The following GATD1 variants were observed in gnomAD, a reference collection of about 807,000 sequenced individuals.
GATD1 encodes the protein glutamine amidotransferase class 1 domain containing 1.
Under a neutral mutation model 25.9 loss-of-function variants are expected in GATD1, and 23 were observed. The ratio of observed to expected loss-of-function variants is 0.89; its 90% CI spans 0.64 to 1.26. The LOEUF (loss-of-function observed/expected upper bound fraction) is 1.26, where lower values mean the gene tolerates loss of function less well. GATD1 is among the 50% of genes most tolerant of loss of function. The pLI is 0.00. For missense variants in GATD1, 347 were observed against 312.5 expected (o/e 1.11, Z -0.83); for synonymous variants, 177 against 134.6 (o/e 1.31, Z -2.18).
chr11:767,488 G>A lies in GATD1; in HGVS notation c.*3409C>T, dbSNP rs1366983792. ...AGCTCACGCGGAGACAGGTCTGTGG[G>A]GCCCCGCGTCAGAACCCACTTCACA... On this transcript the variant is annotated 3_prime_UTR_variant, in exon 8 of 8. Transcript: ENST00000319863. 2 of 1,434,192 alleles carry A rather than the reference G, an allele frequency of 1.4e-6. No individual in the cohort carries two copies. Among genetic ancestry groups the A allele is most frequent in the Non-Finnish European group, 1.8e-6 (2 of 1,100,094 alleles). The allele number at this position is 1,434,192 out of a possible 1,614,324, so 88.8% of individuals were successfully genotyped here.
intron 1 of GATD1, 135 bp from the exon 2 acceptor site, chr11:775,277 C>T (rs868788602): frequency 1.1e-5 from 7 of 638,424 alleles, no homozygotes; most frequent in South Asian, 4.4e-5. Flanking sequence ...CACCCAAGAA[C>T]GACTACTTGA....
At position 770,049 on chromosome 11, in the gene GATD1, G is replaced by T; in HGVS notation, c.*848C>A. ...AGAAGGCCTTCGATGGCTCAAACTGGGGAACTGTGAGGAAGTAGAGGGCCT... is the reference window on the plus strand; with the variant it reads ...AGAAGGCCTTCGATGGCTCAAACTGTGGAACTGTGAGGAAGTAGAGGGCCT... On this transcript the variant is annotated 3_prime_UTR_variant, in exon 8 of 8. Transcript: ENST00000319863. 8.7e-7 allele frequency: 1 copy of T among 1,151,736 alleles called. No homozygotes were observed. Among genetic ancestry groups the T allele is most frequent in the Admixed American group, 4.8e-5 (1 of 21,032 alleles). 71.3% of individuals were successfully genotyped at this position (1,151,736 alleles called of 1,614,324 possible). A position where few individuals can be genotyped will look rare whatever the true frequency, so the allele number is the denominator to read the frequency against.
chr11:767,494 G>C lies in GATD1; in HGVS notation c.*3403C>G, dbSNP rs998168239. ...CGCGGAGACAGGTCTGTGGGGCCCCGCGTCAGAACCCACTTCACATCCCAA... is the reference window on the plus strand; with the variant it reads ...CGCGGAGACAGGTCTGTGGGGCCCCCCGTCAGAACCCACTTCACATCCCAA... On this transcript the variant is annotated 3_prime_UTR_variant, in exon 8 of 8. Coordinates refer to ENST00000319863, the MANE Select transcript of GATD1 (RefSeq NM_182612.4). 7.0e-7 allele frequency: 1 copy of C among 1,431,486 alleles called. No individual in the cohort carries two copies. Among genetic ancestry groups the C allele is most frequent in the Non-Finnish European group, 9.1e-7 (1 of 1,098,628 alleles). The allele number at this position is 1,431,486 out of a possible 1,614,324, so 88.7% of individuals were successfully genotyped here. A position where few individuals can be genotyped will look rare whatever the true frequency, so the allele number is the denominator to read the frequency against.
intron 5 of GATD1, 163 bp from the exon 6 acceptor site, chr11:771,589 A>G (rs1171012206): frequency 7.2e-7 from 1 of 1,396,024 alleles, no homozygotes; most frequent in Non-Finnish European, 9.3e-7. Flanking sequence ...GGGCGGAGAG[A>G]TGACAAAGTC....
intron 2 of GATD1, among the ~76,000 whole-genome samples, 178 bp downstream of exon 2, chr11:774,888 G>C (rs569322857): frequency 2.0e-5 from 3 of 151,778 alleles, no homozygotes; most frequent in African/African-American, 7.2e-5. Context: ...CAGAGCCCAG[G>C]AAATGGGGAC....
chr11:767,495 C>A lies in GATD1; in HGVS notation c.*3402G>T. 7.0e-7 allele frequency: 1 copy of A among 1,430,612 alleles called. No individual in the cohort carries two copies. Among genetic ancestry groups the A allele is most frequent in the Non-Finnish European group, 9.1e-7 (1 of 1,098,150 alleles). The allele number at this position is 1,430,612 out of a possible 1,614,324, so 88.6% of individuals were successfully genotyped here. A position where few individuals can be genotyped will look rare whatever the true frequency, so the allele number is the denominator to read the frequency against. On this transcript the variant is annotated 3_prime_UTR_variant, in exon 8 of 8. Transcript: ENST00000319863. ...GCGGAGACAGGTCTGTGGGGCCCCG[C>A]GTCAGAACCCACTTCACATCCCAAA... is the stretch of plus-strand genomic sequence containing the variant.
At position 769,433 on chromosome 11, in the gene GATD1, G is replaced by A. The variant is rs530496731; in HGVS notation, c.*1464C>T. 6.1e-4 allele frequency: 189 copies of A among 310,708 alleles called. No individual in the cohort carries two copies. The highest frequency in any genetic ancestry group is 7.9e-4 in the Non-Finnish European group (168 of 213,450). 19.2% of individuals were successfully genotyped at this position (310,708 alleles called of 1,614,324 possible). A position where few individuals can be genotyped will look rare whatever the true frequency, so the allele number is the denominator to read the frequency against. On this transcript the variant is annotated 3_prime_UTR_variant, in exon 8 of 8. Coordinates refer to ENST00000319863, the MANE Select transcript of GATD1 (RefSeq NM_182612.4). The stretch of plus-strand genomic sequence containing the variant: ...CCTCCCAGGTTCAAGCAATTCTCAC[G>A]TCTCAGCCTCCCAAGTAGCTGGGAA...
Position 767,443 on chromosome 11 carries a change from TGAC to T in GATD1, c.*3451_*3453del. On this transcript the variant is annotated 3_prime_UTR_variant, in exon 8 of 8. Coordinates refer to ENST00000319863, the MANE Select transcript of GATD1 (RefSeq NM_182612.4). ...AGAGGCCTCGCACGCAGCTGAGGAA[TGAC>T]GCAGGGGCCTGCAGGCAGCTCACGC... 1 of 1,494,690 alleles carries T rather than the reference TGAC, an allele frequency of 6.7e-7. No individual in the cohort carries two copies. Among genetic ancestry groups the T allele is most frequent in the Non-Finnish European group, 8.9e-7 (1 of 1,127,496 alleles). The allele number at this position is 1,494,690 out of a possible 1,614,324, so 92.6% of individuals were successfully genotyped here. A position where few individuals can be genotyped will look rare whatever the true frequency, so the allele number is the denominator to read the frequency against.
chr11:774,226 AG>A (rs1863740230), intron 2 of GATD1, 113 bp from the exon 3 acceptor site: 2 of 842,538 alleles, frequency 2.4e-6, no homozygotes, highest in South Asian at 3.2e-5. Flanking sequence ...TGAGGCACAA[AG>A]GCCCCCGACC....
At chr11:773,101 C>G (rs1238753938) in intron 4 of GATD1, among the ~76,000 whole-genome samples, 1 of 151,982 alleles carries the variant, frequency 6.6e-6, no homozygotes, top group Non-Finnish European at 1.5e-5. Context: ...CTGGCTTGTC[C>G]ACCCCGGCCA....
rs1313988231 is a variant in GATD1 at position 767,734 on chromosome 11, A to G, written c.*3163T>C. On this transcript the variant is annotated 3_prime_UTR_variant, in exon 8 of 8. Coordinates refer to ENST00000319863, the MANE Select transcript of GATD1 (RefSeq NM_182612.4). ...CACAGGGCAGGGGCACAGCCTCATC[A>G]TGGGACCATCACCCTCACAAAAGAG... is the stretch of plus-strand genomic sequence containing the variant. The G allele has an allele frequency of 6.6e-6, 4 of 605,684 alleles. 1 individual carries two copies. Among genetic ancestry groups the G allele is most frequent in the Non-Finnish European group, 8.7e-6 (4 of 457,788 alleles). 37.5% of individuals were successfully genotyped at this position (605,684 alleles called of 1,614,324 possible).
Position 775,103 on chromosome 11 carries a change from G to T in GATD1, c.104C>A (p.Ala35Asp). 6.2e-7 allele frequency: 1 copy of T among 1,605,992 alleles called. No homozygotes were observed. The highest frequency in any genetic ancestry group is 8.5e-7 in the Non-Finnish European group (1 of 1,177,336). Residue 35 changes from alanine to aspartate, a missense_variant, in exon 2 of 8, where the codon GCC becomes GAC. Transcript: ENST00000319863. ...CACCTGCAGGTTGAAGGCGGTGCTG[G>T]CCATCGTGAAACAGTGGAGGAAGGA... ...AQSFLHCFTMASTAFNLQVAT... is the reference protein window; with the variant it reads ...AQSFLHCFTMDSTAFNLQVAT...
At chr11:772,348 A>G (rs1276639208) in intron 5 of GATD1, 79 bp downstream of exon 5, 2 of 817,022 alleles carry the variant, frequency 2.4e-6, no homozygotes, top group Non-Finnish European at 4.2e-6. Context: ...CTCACCCTGG[A>G]GCCTCCGACC....
intron 2 of GATD1, 49 bp downstream of exon 2, chr11:775,017 G>T (rs755045245): frequency 1.3e-6 from 2 of 1,531,238 alleles, no homozygotes; most frequent in Non-Finnish European, 1.8e-6. Flanking sequence ...CCCCGGAGAG[G>T]TGGAGACAGA....
chr11:777,352 C>A (rs1006642311), intron 1 of GATD1, 47 bp downstream of exon 1: 9 of 1,256,548 alleles, frequency 7.2e-6, no homozygotes, highest in Non-Finnish European at 9.0e-6. Context: ...CCGGGCAGCC[C>A]CCTCGCGGAC....
At position 770,539 on chromosome 11, in the gene GATD1, C is replaced by A; in HGVS notation, c.*358G>T. 1 of 1,413,472 alleles carries A rather than the reference C, an allele frequency of 7.1e-7. No homozygotes were observed. Among genetic ancestry groups the A allele is most frequent in the Non-Finnish European group, 9.2e-7 (1 of 1,085,922 alleles). The allele number at this position is 1,413,472 out of a possible 1,614,324, so 87.6% of individuals were successfully genotyped here. A position where few individuals can be genotyped will look rare whatever the true frequency, so the allele number is the denominator to read the frequency against. ...GCAGGGCAAACCCACACAGAGGACCCCCGAGCCGACTCTGTCTAGTCAACA... is the reference window on the plus strand; with the variant it reads ...GCAGGGCAAACCCACACAGAGGACCACCGAGCCGACTCTGTCTAGTCAACA... On this transcript the variant is annotated 3_prime_UTR_variant, in exon 8 of 8. Coordinates refer to ENST00000319863, the MANE Select transcript of GATD1 (RefSeq NM_182612.4).
Position 773,551 on chromosome 11 carries a change from C to T in GATD1, c.326G>A (p.Arg109His), listed in dbSNP as rs368068797. 43 of 1,609,904 alleles carry T rather than the reference C, an allele frequency of 2.7e-5. No individual in the cohort carries two copies. The highest frequency in any genetic ancestry group is 8.0e-5 in the African/African-American group (6 of 74,704). The change falls in exon 4 of 8, where the codon CGT becomes CAT. Residue 109 changes from arginine (R) to histidine (H), a missense_variant. Coordinates refer to ENST00000319863, the MANE Select transcript of GATD1 (RefSeq NM_182612.4). ...CTCAGAGTGGAAGTGCTGCAGGATA[C>T]GGGCCAGGGAGCCACTGCTGGCCAG... Reference protein sequence around the residue: ...TDLASSGSLARILQHFHSESK... With the variant: ...TDLASSGSLAHILQHFHSESK...
In GATD1 at chr11:769,222, T is replaced by C. The variant is rs1182340331; in HGVS notation, c.*1675A>G. On this transcript the variant is annotated 3_prime_UTR_variant, in exon 8 of 8. Coordinates refer to ENST00000319863, the MANE Select transcript of GATD1 (RefSeq NM_182612.4). ...TGCTAAGTGGGCATCCTGACTAATC[T>C]GCGAGGCACTGGAGGGACGCAGCCT... 1.0e-6 allele frequency: 1 copy of C among 985,510 alleles called. No individual in the cohort carries two copies. Among genetic ancestry groups the C allele is most frequent in the Non-Finnish European group, 1.2e-6 (1 of 829,952 alleles). 61.0% of individuals were successfully genotyped at this position (985,510 alleles called of 1,614,324 possible).
Position 773,612 on chromosome 11 carries a change from G to A in GATD1, c.265C>T (p.Leu89Phe), listed in dbSNP as rs1202850796. 1.9e-6 allele frequency: 3 copies of A among 1,608,670 alleles called. No individual in the cohort carries two copies. Among genetic ancestry groups the A allele is most frequent in the South Asian group, 1.1e-5 (1 of 90,540 alleles). The change falls in exon 4 of 8, where the codon CTC becomes TTC. Residue 89 changes from leucine (L) to phenylalanine (F), a missense_variant. Transcript: ENST00000319863. ...ESIDGARYHA[L>F]LIPSCPGALT... ...GCCCCAGGACAGCTGGGGATCAGGA[G>A]GGCATGGTACCGGGCACCTGGGGGG...
Sources: allele counts gnomAD v4.1 joint callset (sites outside exome capture counted in the v4.1 genomes callset), GRCh38; gene constraint gnomAD v4.1.1; transcripts MANE v1.5; gene names NCBI Gene and HGNC (gene_info 2026-07-23, HGNC 2026-07-21).